The following AFAP1L2 variants were observed in gnomAD, a reference collection of about 807,000 sequenced individuals.
The protein encoded by AFAP1L2 is actin filament associated protein 1 like 2.
Under a neutral mutation model 99.3 loss-of-function variants are expected in AFAP1L2, and 46 were observed. The observed-to-expected ratio is 0.46, with a 90% CI of 0.37 to 0.59. The LOEUF is 0.59. Among genes scored for constraint, AFAP1L2 ranks in the 20% least tolerant of loss-of-function variants. AFAP1L2 has a pLI of 0.00. For synonymous variants in AFAP1L2, 397 were observed against 419.1 expected, an observed-to-expected ratio of 0.95 and a Z score of 0.64; for missense variants, 959 against 1,034.9, an observed-to-expected ratio of 0.93 and a Z score of 1.01.
intron 4 of AFAP1L2, among the ~76,000 whole-genome samples, chr10:114,326,910 G>A (rs1425188828): frequency 1.3e-5 from 2 of 151,340 alleles, no homozygotes; most frequent in African/African-American, 4.8e-5. Context: ...TTGCGTATAT[G>A]TGTTTGGTGG....
chr10:114,361,380 T>C (rs911950260), intron 1 of AFAP1L2, among the ~76,000 whole-genome samples: 1 of 152,202 alleles, frequency 6.6e-6, no homozygotes, highest in East Asian at 1.9e-4. Flanking sequence ...GTAGCATTCC[T>C]GTAATGCCTT....
At chr10:114,393,415 T>G (rs2057356197) in intron 1 of AFAP1L2, 1 of 152,216 alleles carries the variant, frequency 6.6e-6, no homozygotes, top group African/African-American at 2.4e-5. Flanking sequence ...GGTTTGCTCT[T>G]ACGCTCAACA....
downstream of AFAP1L2, among the ~76,000 whole-genome samples, chr10:114,292,347 T>A (rs1004621952): frequency 1.3e-5 from 2 of 151,988 alleles, no homozygotes; most frequent in East Asian, 1.9e-4. Flanking sequence ...TTATTCTCCT[T>A]TTAGTGGGGC....
chr10:114,366,095 C>T (rs2053205644), intron 1 of AFAP1L2, among the ~76,000 whole-genome samples: 1 of 152,084 alleles, frequency 6.6e-6, no homozygotes, highest in African/African-American at 2.4e-5. Context: ...TTTGGGGCTA[C>T]AATGGATAAC....
At chr10:114,286,336 G>C in the AFAP1L2 span, 1 of 1,613,080 alleles carries the variant, frequency 6.2e-7, no homozygotes, top group Admixed American at 1.7e-5. Context: ...CGGGCCCAGC[G>C]CGTCACGCAA....
At chr10:114,301,068 C>G (rs887568696) in intron 13 of AFAP1L2, among the ~76,000 whole-genome samples, 1 of 152,182 alleles carries the variant, frequency 6.6e-6, no homozygotes, top group East Asian at 1.9e-4. Flanking sequence ...ACCTGGAAGC[C>G]TACTGGTACC....
the AFAP1L2 span, among the ~76,000 whole-genome samples, chr10:114,283,962 A>G: frequency 9.2e-5 from 14 of 152,396 alleles, no homozygotes; most frequent in Admixed American, 2.0e-4. Flanking sequence ...TGCCAGTCCC[A>G]GTTGTGACCA....
chr10:114,374,220 A>T (rs560219528), intron 1 of AFAP1L2, among the ~76,000 whole-genome samples: 11 of 152,216 alleles, frequency 7.2e-5, no homozygotes, highest in African/African-American at 2.4e-4. Context: ...GCGACCCCAA[A>T]CATCCCAGCT....
In AFAP1L2 at chr10:114,315,626, C is replaced by A; in HGVS notation, c.546G>T (p.Leu182=). 1 of 1,614,124 alleles carries A rather than the reference C, an allele frequency of 6.2e-7. No homozygotes were observed. Among genetic ancestry groups the A allele is most frequent in the African/African-American group, 1.3e-5 (1 of 75,082 alleles). Residue 182 remains leucine (L), a synonymous_variant, in exon 6 of 19, where the codon CTG becomes CTT. Transcript: ENST00000304129. ...LMRDARICAF[L]WRKKWLGQWA... ...ACTGTCCCAGCCACTTCTTGCGCCA[C>A]AGGAAGGCGCAGATGCGGGCGTCAC...
chr10:114,312,105 A>T (rs1006418989), intron 7 of AFAP1L2, among the ~76,000 whole-genome samples: 9 of 152,248 alleles, frequency 5.9e-5, no homozygotes, highest in Admixed American at 5.9e-4. Flanking sequence ...AACCACCAGC[A>T]GAGGCTATGG....
intron 4 of AFAP1L2, among the ~76,000 whole-genome samples, chr10:114,327,877 G>A (rs4244311): frequency 0.67 from 101,896 of 152,146 alleles, 35,395 homozygotes; most frequent in East Asian, 0.92. Context: ...CCCAGAGTAT[G>A]CTGCAGAAGG....
chr10:114,355,256 C>CTTTTT (rs35562783), intron 1 of AFAP1L2, among the ~76,000 whole-genome samples: 13 of 133,106 alleles, frequency 9.8e-5, no homozygotes, highest in African/African-American at 2.8e-4. Flanking sequence ...CTCGCTCTCT[C>CTTTTT]TTTTTTTTTT....
At chr10:114,291,088 TG>T, downstream of AFAP1L2, 1 of 1,058,868 alleles carries the variant, frequency 9.4e-7, no homozygotes, top group Non-Finnish European at 1.4e-6. Flanking sequence ...GTCTCTAATC[TG>T]GCATCTTCTG....
intron 1 of AFAP1L2, among the ~76,000 whole-genome samples, chr10:114,386,330 TGTCAAG>T (rs1419502749): frequency 6.6e-6 from 1 of 151,908 alleles, no homozygotes; most frequent in East Asian, 1.9e-4. Flanking sequence ...GAGCCCAGGA[TGTCAAG>T]GCTGCAGTGA....
At chr10:114,400,587 A>C (rs545548426) in intron 1 of AFAP1L2, among the ~76,000 whole-genome samples, 1 of 152,162 alleles carries the variant, frequency 6.6e-6, no homozygotes, top group South Asian at 2.1e-4. Flanking sequence ...TGGTTAAGGC[A>C]CATCGTGTGA....
chr10:114,395,608 A>C (rs1271163774), intron 1 of AFAP1L2, among the ~76,000 whole-genome samples: 1 of 152,030 alleles, frequency 6.6e-6, no homozygotes, highest in Non-Finnish European at 1.5e-5. Context: ...TTGTATAAAA[A>C]CTGGGGGAGA....
At chr10:114,297,774 T>G (rs1299530070) in intron 16 of AFAP1L2, among the ~76,000 whole-genome samples, 2 of 151,554 alleles carry the variant, frequency 1.3e-5, no homozygotes, top group Non-Finnish European at 2.9e-5. Context: ...CAGCTTGACC[T>G]GCCCTACCAA....
At chr10:114,384,328 C>T (rs1044967357) in intron 1 of AFAP1L2, among the ~76,000 whole-genome samples, 7 of 151,610 alleles carry the variant, frequency 4.6e-5, no homozygotes, top group East Asian at 3.9e-4. Context: ...CTGTCGTCCC[C>T]CCCCCGCTGC....
At chr10:114,302,233 G>T (rs747688267) in intron 12 of AFAP1L2, 106 bp downstream of exon 12, 11 of 1,471,980 alleles carry the variant, frequency 7.5e-6, no homozygotes, top group South Asian at 1.2e-5. Flanking sequence ...TGGGCAGAGT[G>T]GGGTGGGACC....
Sources: allele counts gnomAD v4.1 joint callset (sites outside exome capture counted in the v4.1 genomes callset), GRCh38; gene constraint gnomAD v4.1.1; transcripts MANE v1.5; gene names NCBI Gene and HGNC (gene_info 2026-07-23, HGNC 2026-07-21).